The following CROCC variants were observed in gnomAD, a reference collection of about 807,000 sequenced individuals.
CROCC encodes ciliary rootlet coiled-coil, rootletin.
Under a neutral mutation model 245.2 loss-of-function variants are expected in CROCC, and 180 were observed. The observed-to-expected ratio is 0.73, with a 90% CI of 0.65 to 0.83. The LOEUF (loss-of-function observed/expected upper bound fraction) is 0.83. Ranked by LOEUF, CROCC falls within the 40% of genes least tolerant of loss-of-function variation. The pLI is 0.00. For synonymous variants in CROCC, 1,205 were observed against 1,241.6 expected, an observed-to-expected ratio of 0.97 and a Z score of 0.62; for missense variants, 2,688 against 2,779.4, an observed-to-expected ratio of 0.97 and a Z score of 0.74.
Position 16,972,493 on chromosome 1 carries a change from G to A in CROCC, c.*47G>A, listed in dbSNP as rs766466848. ...ACACCCCTGTGCCTGGGACAGGGGA[G>A]GACCCTTCTTTTGGACAGCCCCCCC... is the stretch of plus-strand genomic sequence containing the variant. On this transcript the variant is annotated 3_prime_UTR_variant, in exon 37 of 37. Transcript: ENST00000375541. 4.2e-6 allele frequency: 6 copies of A among 1,427,468 alleles called. No homozygotes were observed. In the East Asian group the frequency reaches 9.8e-5, roughly 23 times the overall value. 88.4% of individuals were successfully genotyped at this position (1,427,468 alleles called of 1,614,324 possible). A position where few individuals can be genotyped will look rare whatever the true frequency, so the allele number is the denominator to read the frequency against.
Position 16,970,259 on chromosome 1 carries a change from C to G in CROCC, c.5458C>G (p.Arg1820Gly). The change falls in exon 34 of 37, where the codon CGG becomes GGG. Residue 1820 changes from arginine to glycine, a missense_variant. Arg to Gly is a moderately radical substitution (Grantham distance 125). Coordinates refer to ENST00000375541, the MANE Select transcript of CROCC (RefSeq NM_014675.5). ...GQLQQLREVL[R>G]QRQEGEAAAL... ...TGCCTGGCTTCTGTTGCAGGTGCTG[C>G]GGCAGCGGCAGGAGGGTGAGGCTGC... is the stretch of plus-strand genomic sequence containing the variant. 6.4e-7 allele frequency: 1 copy of G among 1,553,956 alleles called. No homozygotes were observed. The highest frequency in any genetic ancestry group is 8.7e-7 in the Non-Finnish European group (1 of 1,145,376).
chr1:16,947,475 A>T (rs1557615677), intron 17 of CROCC, among the ~76,000 whole-genome samples: 1 of 144,892 alleles, frequency 6.9e-6, no homozygotes, highest in East Asian at 2.0e-4. Flanking sequence ...TCTCAATAAT[A>T]ATAATAATAA....
Position 16,922,708 on chromosome 1 carries a change from C to G in CROCC, c.106C>G (p.Arg36Gly), listed in dbSNP as rs138804532. ...VLCQEKGLGARDLAQDAQITS... is the reference protein window; with the variant it reads ...VLCQEKGLGAGDLAQDAQITS... ...GTGCCAGGAGAAAGGCTTGGGCGCG[C>G]GGGACCTGGCCCAGGACGCTCAGAT... The change falls in exon 2 of 37, where the codon CGG (arginine) becomes GGG (glycine). Residue 36 changes from arginine (R) to glycine (G), a missense_variant. Coordinates refer to ENST00000375541, the MANE Select transcript of CROCC (RefSeq NM_014675.5). 2 of 1,613,704 alleles carry G rather than the reference C, an allele frequency of 1.2e-6. No individual in the cohort carries two copies. The highest frequency in any genetic ancestry group is 2.2e-5 in the South Asian group (2 of 91,048).
chr1:16,936,826 G>T lies in CROCC; in HGVS notation c.1146G>T (p.Ala382=). 1 of 1,612,320 alleles carries T rather than the reference G, an allele frequency of 6.2e-7. No individual in the cohort carries two copies. The highest frequency in any genetic ancestry group is 8.5e-7 in the Non-Finnish European group (1 of 1,179,806). The stretch of plus-strand genomic sequence containing the variant: ...AGGTGCTCCGCGAGAAGGACCTGGC[G>T]CAGCAGCAGATGCAAAGCGACCTGG... ...RDKVLREKDL[A]QQQMQSDLDK... Residue 382 remains alanine, a synonymous_variant, in exon 9 of 37, where the codon GCG becomes GCT. Transcript: ENST00000375541.
At chr1:16,956,684 T>C (rs1279600137) in intron 25 of CROCC, among the ~76,000 whole-genome samples, 1 of 152,058 alleles carries the variant, frequency 6.6e-6, no homozygotes, top group Non-Finnish European at 1.5e-5. Context: ...CAAGAAATGT[T>C]GTTCTTCCTT....
intron 20 of CROCC, among the ~76,000 whole-genome samples, chr1:16,952,355 C>T (rs1195244510): frequency 1.2e-4 from 18 of 151,914 alleles, no homozygotes; most frequent in Admixed American, 1.1e-3. Context: ...CGTGGTGGCA[C>T]GCGCCTGTAG....
chr1:16,953,248 G>T lies in CROCC; in HGVS notation c.3007-54G>T, dbSNP rs1024026537. 6.7e-6 allele frequency: 10 copies of T among 1,503,134 alleles called. No homozygotes were observed. In the African/African-American group the frequency reaches 9.7e-5, roughly 15 times the overall value. The allele number at this position is 1,503,134 out of a possible 1,614,324, so 93.1% of individuals were successfully genotyped here. On this transcript the variant is annotated intron_variant, in intron 20 of 36. Coordinates refer to ENST00000375541, the MANE Select transcript of CROCC (RefSeq NM_014675.5). The stretch of plus-strand genomic sequence containing the variant: ...TCTTGCTGCCCTGATGTTTTGGGGG[G>T]TCTGCCTGGGCCCCCTCCTGGTGTG...
intron 27 of CROCC, among the ~76,000 whole-genome samples, chr1:16,964,991 T>C (rs1251222422): frequency 1.3e-5 from 2 of 152,148 alleles, no homozygotes; most frequent in African/African-American, 4.8e-5. Context: ...AATTTTTGTA[T>C]TTTCAGTAGA....
rs1002834828 is a variant in CROCC, at chr1:16,948,521, T to A, written c.2705T>A (p.Leu902Gln). The change falls in exon 18 of 37, where the codon CTG becomes CAG. Residue 902 changes from leucine (L) to glutamine (Q), a missense_variant. By Grantham distance (113) the Leu-to-Gln change is moderately radical. This residue lies in a region of CROCC where 26 missense variants were observed against 40.3 expected (regional missense o/e 0.64). Transcript: ENST00000375541. ...GRTLSEEATR[L>Q]RLEKEALEGS... The stretch of plus-strand genomic sequence containing the variant: ...ACCCTGTCAGAGGAGGCCACACGCC[T>A]GCGGTAAGGCCTTGGGCTCTGCCCA... 1 of 1,538,424 alleles carries A rather than the reference T, an allele frequency of 6.5e-7. No homozygotes were observed. The highest frequency in any genetic ancestry group is 1.4e-5 in the African/African-American group (1 of 73,200).
intron 27 of CROCC, among the ~76,000 whole-genome samples, chr1:16,961,635 A>T (rs1320204786): frequency 6.6e-6 from 1 of 151,080 alleles, no homozygotes; most frequent in Non-Finnish European, 1.5e-5. Context: ...ACAGGATCTC[A>T]CTCTGTCACC....
chr1:16,953,857 C>A, intron 21 of CROCC: 1 of 223,758 alleles, frequency 4.5e-6, no homozygotes, highest in Non-Finnish European at 7.8e-6. Context: ...CCCTAACTTT[C>A]CTATAATGTA....
chr1:16,953,595 G>A, intron 21 of CROCC, 114 bp downstream of exon 21: 2 of 1,011,154 alleles, frequency 2.0e-6, no homozygotes, highest in East Asian at 2.6e-5. Flanking sequence ...CTGCCCTCTT[G>A]GGGGCCTCAG....
chr1:16,969,243 T>A lies in CROCC; in HGVS notation c.5204T>A (p.Leu1735Gln), dbSNP rs556066431. 3.1e-6 allele frequency: 5 copies of A among 1,613,322 alleles called. 1 individual carries two copies. In the South Asian group the frequency reaches 5.5e-5, roughly 18 times the overall value. The change falls in exon 32 of 37, where the codon CTG becomes CAG. Residue 1735 changes from leucine to glutamine, a missense_variant. Leu to Gln is a moderately radical substitution (Grantham distance 113, BLOSUM62 -2). Transcript: ENST00000375541. ...AAGGTGCGGGGCCTGACAGAGGCCC[T>A]GGCCCAGAGCAGTGCCAGCCTCAAC... Reference protein sequence around the residue: ...RDKVRGLTEALAQSSASLNST... With the variant: ...RDKVRGLTEAQAQSSASLNST...
Position 16,966,013 on chromosome 1 carries a change from C to G in CROCC, c.4590C>G (p.Thr1530=), listed in dbSNP as rs907421385. 1 of 1,613,444 alleles carries G rather than the reference C, an allele frequency of 6.2e-7. No individual in the cohort carries two copies. Among genetic ancestry groups the G allele is most frequent in the East Asian group, 2.2e-5 (1 of 44,856 alleles). ...CGGGGCTACAGGACGAACTTCGGAC[C>G]CAGACCAGTGCCCTGAATCGCCAGC... ...SAQRERDELR[T]QTSALNRQLA... The change falls in exon 29 of 37, where the codon ACC becomes ACG. Residue 1530 remains threonine, a synonymous_variant. Transcript: ENST00000375541. The surrounding 1 kb of genome is among the most constrained non-coding windows in gnomAD (Gnocchi z 4.8).
intron 12 of CROCC, 23 bp from the exon 13 acceptor site, chr1:16,939,871 C>T (rs754692789): frequency 1.3e-5 from 21 of 1,610,578 alleles, no homozygotes; most frequent in Non-Finnish European, 1.8e-5. Flanking sequence ...CCCCCCCAGA[C>T]TCTGTGACCC....
intron 1 of CROCC, among the ~76,000 whole-genome samples, chr1:16,914,908 C>T (rs1412522898): frequency 2.0e-5 from 3 of 152,288 alleles, no homozygotes; most frequent in East Asian, 1.9e-4. Context: ...TGTCTGTTTA[C>T]GCCAGAAAAC....
chr1:16,921,501 A>T (rs1209188702), upstream of CROCC, among the ~76,000 whole-genome samples: 2 of 152,266 alleles, frequency 1.3e-5, no homozygotes, highest in Admixed American at 6.5e-5. Context: ...TTGTGGGAAA[A>T]CATACTCCCA....
At chr1:16,928,472 T>C (rs1390829373) in intron 3 of CROCC, among the ~76,000 whole-genome samples, 1 of 151,414 alleles carries the variant, frequency 6.6e-6, no homozygotes. Context: ...ACAGAGGCTT[T>C]CCTGCAGTGA....
At chr1:16,936,510 C>G in intron 8 of CROCC, 127 bp from the exon 9 acceptor site, 1 of 952,180 alleles carries the variant, frequency 1.1e-6, no homozygotes, top group African/African-American at 1.6e-5. Context: ...CTCACGTGAT[C>G]TGCCCGCCTT....
Sources: allele counts gnomAD v4.1 joint callset (sites outside exome capture counted in the v4.1 genomes callset), GRCh38; gene constraint gnomAD v4.1.1; regional missense constraint gnomAD v4.1.1; non-coding constraint Gnocchi (gnomAD v3.1); transcripts MANE v1.5; gene names NCBI Gene and HGNC (gene_info 2026-07-23, HGNC 2026-07-21).